The following PDE1C variants were observed in gnomAD, a reference collection of about 807,000 sequenced individuals.
PDE1C encodes the protein phosphodiesterase 1C, also known as dual specificity calcium/calmodulin-dependent 3',5'-cyclic nucleotide phosphodiesterase 1C.
Under a neutral mutation model 93.1 loss-of-function variants are expected in PDE1C, and 62 were observed. That is an observed-to-expected ratio of 0.67 (90% CI 0.54 to 0.82). PDE1C has a LOEUF of 0.82. PDE1C is among the 40% of genes least tolerant of loss of function. The pLI is 0.00. For missense variants in PDE1C, 742 were observed against 884.6 expected (o/e 0.84, Z 2.04); for synonymous variants, 325 against 310.1 (o/e 1.05, Z -0.50).
intron 2 of PDE1C, among the ~76,000 whole-genome samples, chr7:31,963,835 T>C (rs1190984485): frequency 6.6e-6 from 1 of 152,210 alleles, no homozygotes; most frequent in Non-Finnish European, 1.5e-5. Context: ...ACCACTGACC[T>C]TGACCTGAAA....
downstream of PDE1C, among the ~76,000 whole-genome samples, chr7:31,747,046 G>A (rs935588219): frequency 3.3e-5 from 5 of 152,148 alleles, no homozygotes; most frequent in African/African-American, 7.2e-5. Context: ...GCCTAAGAGG[G>A]AGAGGGAAAC....
upstream of PDE1C, among the ~76,000 whole-genome samples, chr7:32,076,283 T>C (rs1796349570): frequency 6.6e-6 from 1 of 152,160 alleles, no homozygotes. Flanking sequence ...AAACAAGCCA[T>C]ATGGCTTGAA....
At chr7:31,734,353 CA>C in the PDE1C span, among the ~76,000 whole-genome samples, 1 of 152,282 alleles carries the variant, frequency 6.6e-6, no homozygotes, top group African/African-American at 2.4e-5. Flanking sequence ...CTGCAAAAGC[CA>C]CACAGAATTC....
the PDE1C span, chr7:31,653,070 T>C: frequency 1.0e-6 from 1 of 993,952 alleles, no homozygotes; most frequent in Admixed American, 3.2e-5. Flanking sequence ...CTAAATAGTA[T>C]ACGGTCTCTG....
the PDE1C span, chr7:31,687,181 C>A: frequency 1.3e-5 from 2 of 152,608 alleles, no homozygotes; most frequent in East Asian, 3.9e-4. Context: ...AGCAGCTGGT[C>A]CCTAGATAAG....
chr7:31,666,395 G>C, the PDE1C span, among the ~76,000 whole-genome samples: 1 of 152,218 alleles, frequency 6.6e-6, no homozygotes, highest in Non-Finnish European at 1.5e-5. Flanking sequence ...TATCTTGCTA[G>C]TTCCCTCATT....
In PDE1C at chr7:31,850,653, T is replaced by C; in HGVS notation, c.839A>G (p.His280Arg). The change falls in exon 8 of 18, where the codon CAC becomes CGC. Residue 280 changes from histidine to arginine, a missense_variant. Around this residue, in one of 4 missense-constraint regions of PDE1C, gnomAD observed 205 missense variants for 295.3 expected, o/e 0.69. Transcript: ENST00000396191. ...TAAACACCCTCACCGAGTCTGAATGTGGAAATTGTTGGTGGTTCCGGTATG... is the reference window on the plus strand; with the variant it reads ...TAAACACCCTCACCGAGTCTGAATGCGGAAATTGTTGGTGGTTCCGGTATG... Reference protein sequence around the residue: ...YEHTGTTNNFHIQTRSDPAIL... With the variant: ...YEHTGTTNNFRIQTRSDPAIL... 6.2e-7 allele frequency: 1 copy of C among 1,611,312 alleles called. No individual in the cohort carries two copies.
intron 3 of PDE1C, among the ~76,000 whole-genome samples, chr7:32,098,829 G>GA: frequency 6.6e-6 from 1 of 152,234 alleles, no homozygotes; most frequent in Non-Finnish European, 1.5e-5. Flanking sequence ...TTTTTCATTT[G>GA]AAATGCTGAG....
chr7:31,854,979 A>C (rs888002233), intron 7 of PDE1C, among the ~76,000 whole-genome samples: 1 of 151,030 alleles, frequency 6.6e-6, no homozygotes, highest in Non-Finnish European at 1.5e-5. Context: ...AGGCAGGAGA[A>C]TCACTTGAAC....
chr7:32,300,998 T>A (rs1222145038), upstream of PDE1C, among the ~76,000 whole-genome samples: 2 of 150,480 alleles, frequency 1.3e-5, no homozygotes, highest in African/African-American at 4.9e-5. Flanking sequence ...CCACCACACC[T>A]GGCTGCTTTA....
Position 31,873,416 on chromosome 7 carries a change from ACAG to A in PDE1C, c.493-11_493-9del. ...GGACCACTTGTCCACATCCTGCAGG[ACAG>A]GGTGGGGAGAAAGAACACATTAGCC... On this transcript the variant is annotated splice_polypyrimidine_tract_variant and intron_variant, in intron 5 of 17. Transcript: ENST00000396191. 6.4e-7 allele frequency: 1 copy of A among 1,571,490 alleles called. No homozygotes were observed. Among genetic ancestry groups the A allele is most frequent in the Non-Finnish European group, 8.8e-7 (1 of 1,141,838 alleles).
chr7:32,378,428 C>G (rs1784470915), intron 1 of PDE1C, among the ~76,000 whole-genome samples: 1 of 152,112 alleles, frequency 6.6e-6, no homozygotes, highest in Non-Finnish European at 1.5e-5. Context: ...TTATAATACC[C>G]CTTCCCCAAA....
chr7:32,341,445 G>A (rs1783755180), intron 1 of PDE1C, among the ~76,000 whole-genome samples: 1 of 151,808 alleles, frequency 6.6e-6, no homozygotes, highest in Non-Finnish European at 1.5e-5. Context: ...AAAGTGCTGG[G>A]ATTACAGGCG....
chr7:31,852,445 G>A (rs1206744359), intron 7 of PDE1C, among the ~76,000 whole-genome samples: 3 of 151,958 alleles, frequency 2.0e-5, no homozygotes, highest in Admixed American at 6.6e-5. Context: ...GATAAGGAAA[G>A]ATTGCAAGAA....
chr7:31,940,607 T>G (rs1235471447), intron 2 of PDE1C, among the ~76,000 whole-genome samples: 1 of 152,116 alleles, frequency 6.6e-6, no homozygotes, highest in Non-Finnish European at 1.5e-5. Flanking sequence ...CCCATAGGGA[T>G]GGGTGCCCTG....
intron 2 of PDE1C, among the ~76,000 whole-genome samples, chr7:32,177,408 G>A (rs886247653): frequency 3.9e-5 from 6 of 152,038 alleles, no homozygotes; most frequent in African/African-American, 1.2e-4. Flanking sequence ...TGCCCTATGC[G>A]CATATGCCAG....
At chr7:31,869,306 A>C (rs1330203742) in intron 6 of PDE1C, among the ~76,000 whole-genome samples, 1 of 152,062 alleles carries the variant, frequency 6.6e-6, no homozygotes, top group Non-Finnish European at 1.5e-5. Flanking sequence ...TAAACTTCCC[A>C]CTCAAAAAAT....
intron 2 of PDE1C, among the ~76,000 whole-genome samples, chr7:32,009,350 T>C (rs1312087550): frequency 6.6e-6 from 1 of 152,040 alleles, no homozygotes; most frequent in Non-Finnish European, 1.5e-5. Flanking sequence ...CAGGACAGCA[T>C]ACCAGAGAAA....
At chr7:32,038,092 G>A (rs918067263) in intron 2 of PDE1C, among the ~76,000 whole-genome samples, 1 of 152,118 alleles carries the variant, frequency 6.6e-6, no homozygotes, top group African/African-American at 2.4e-5. Flanking sequence ...GCATTGCAGA[G>A]CCTACTAGAA....
Sources: gnomAD v4.1 joint callset for allele counts (sites outside exome capture counted in the v4.1 genomes callset) on GRCh38, gnomAD v4.1.1 for gene constraint, gnomAD v4.1.1 regional missense constraint, MANE v1.5 for transcripts, NCBI Gene and HGNC (gene_info 2026-07-23, HGNC 2026-07-21) for gene names.